The following C12orf56 variants were observed in gnomAD, a reference collection of about 807,000 sequenced individuals.
C12orf56 encodes chromosome 12 open reading frame 56.
Under a neutral mutation model 69.9 loss-of-function variants are expected in C12orf56, and 71 were observed. That is an observed-to-expected ratio of 1.02 (90% CI 0.84 to 1.24). The LOEUF (loss-of-function observed/expected upper bound fraction) is 1.24. Ranked by LOEUF, C12orf56 falls within the 50% of genes most tolerant of loss-of-function variation. The pLI, the probability that C12orf56 is intolerant of heterozygous loss-of-function variation, is 0.00. For missense variants in C12orf56, 732 were observed against 738.5 expected (o/e 0.99, Z 0.10); for synonymous variants, 276 against 274.1 (o/e 1.01, Z -0.07).
chr12:64,317,012 A>G (rs1249062390), intron 4 of C12orf56, among the ~76,000 whole-genome samples: 7 of 152,228 alleles, frequency 4.6e-5, no homozygotes, highest in Non-Finnish European at 1.5e-5. Flanking sequence ...TGAAGTATTC[A>G]CATAGATTTT....
intron 1 of C12orf56, among the ~76,000 whole-genome samples, chr12:64,368,262 C>T (rs142229325): frequency 1.2e-3 from 179 of 152,210 alleles, no homozygotes; most frequent in African/African-American, 4.2e-3. Context: ...GCCACCATGC[C>T]CAGCCTAAGG....
Position 64,378,882 on chromosome 12 carries a change from C to T in C12orf56, c.252+11432G>A, listed in dbSNP as rs565959975. Among the ~76,000 whole-genome samples the T allele has an allele frequency of 5.9e-5, 9 of 152,110 alleles. No individual in the cohort carries two copies. In the South Asian group the frequency reaches 8.3e-4, roughly 14 times the overall value. Reference sequence around the variant, plus strand: ...TCTGGCCACCATAGTGAAATCCCGTCTCAGTTAAAAATACAAACATTAGCC... The same window carrying T: ...TCTGGCCACCATAGTGAAATCCCGTTTCAGTTAAAAATACAAACATTAGCC... On this transcript the variant is annotated intron_variant, in intron 1 of 12. Transcript: ENST00000543942.
In C12orf56 at chr12:64,296,754, G is replaced by A. The variant is rs538909132; in HGVS notation, c.1113+6881C>T. 3.3e-5 allele frequency among the ~76,000 whole-genome samples: 5 copies of A among 152,264 alleles called. No homozygotes were observed. The East Asian group carries it at 9.6e-4, about 29-fold the overall frequency. On this transcript the variant is annotated intron_variant, in intron 6 of 12. Coordinates refer to ENST00000543942, the MANE Select transcript of C12orf56 (RefSeq NM_001170633.2). ...AATCCCCAATGCAACAGTGTTGAGA[G>A]GCGAGACCTTTAAGAGGTTGATTGG...
chr12:64,373,191 T>C (rs754125737), intron 1 of C12orf56, among the ~76,000 whole-genome samples: 6 of 152,140 alleles, frequency 3.9e-5, no homozygotes, highest in Admixed American at 6.6e-5. Context: ...TCAAAACATT[T>C]GTGGAATACT....
intron 11 of C12orf56, among the ~76,000 whole-genome samples, chr12:64,274,352 G>A (rs562652800): frequency 6.6e-6 from 1 of 152,314 alleles, no homozygotes; most frequent in East Asian, 1.9e-4. Flanking sequence ...TGTAGGCCAT[G>A]TTAAGGAGTT....
Position 64,277,625 on chromosome 12 carries a change from A to G in C12orf56, c.1434+55T>C, listed in dbSNP as rs909011409. The G allele has an allele frequency of 6.2e-6, 6 of 961,608 alleles. No homozygotes were observed. The African/African-American group carries it at 1.4e-4, about 22-fold the overall frequency. The allele number at this position is 961,608 out of a possible 1,614,324, so 59.6% of individuals were successfully genotyped here. A position where few individuals can be genotyped will look rare whatever the true frequency, so the allele number is the denominator to read the frequency against. ...GTCATGGTCCACATTAAAAGAAGCC[A>G]GGGCCCCTATATATATATATATATA... On this transcript the variant is annotated intron_variant, in intron 9 of 12. Transcript: ENST00000543942.
intron 1 of C12orf56, among the ~76,000 whole-genome samples, chr12:64,375,525 T>C (rs2135978393): frequency 6.6e-6 from 1 of 152,234 alleles, no homozygotes; most frequent in South Asian, 2.1e-4. Flanking sequence ...AAGTGTACAG[T>C]GTAGTGGTGG....
At chr12:64,309,995 A>G (rs1478770497) in intron 5 of C12orf56, among the ~76,000 whole-genome samples, 1 of 144,030 alleles carries the variant, frequency 6.9e-6, no homozygotes, top group African/African-American at 2.6e-5. Context: ...CTCCATTTTA[A>G]AGTTCCACTT....
chr12:64,359,424 A>C (rs1592486712), intron 1 of C12orf56, among the ~76,000 whole-genome samples: 1 of 152,334 alleles, frequency 6.6e-6, no homozygotes, highest in Middle Eastern at 3.4e-3. Context: ...CAAGCCAACG[A>C]ACCTAAGATG....
At chr12:64,335,493 G>T (rs2038985088) in intron 2 of C12orf56, among the ~76,000 whole-genome samples, 1 of 148,610 alleles carries the variant, frequency 6.7e-6, no homozygotes, top group Admixed American at 6.7e-5. Flanking sequence ...CATCTGCATT[G>T]TTCATTTAGA....
chr12:64,275,956 A>G (rs2038044783), intron 9 of C12orf56, among the ~76,000 whole-genome samples: 1 of 151,586 alleles, frequency 6.6e-6, no homozygotes, highest in Non-Finnish European at 1.5e-5. Flanking sequence ...TGCAAAATCA[A>G]TCAGATCAAC....
At position 64,277,806 on chromosome 12, in the gene C12orf56, G is replaced by A; in HGVS notation, c.1311-3C>T. ...CCAAGAGATTAAATAGTGCTCCCCT[G>A]GAAAAAAATAAATAAAAGGCAATTA... On this transcript the variant is annotated splice_polypyrimidine_tract_variant and splice_region_variant and intron_variant, in intron 8 of 12. Coordinates refer to ENST00000543942, the MANE Select transcript of C12orf56 (RefSeq NM_001170633.2). 2.0e-6 allele frequency: 3 copies of A among 1,532,008 alleles called. No homozygotes were observed. Among genetic ancestry groups the A allele is most frequent in the Non-Finnish European group, 2.6e-6 (3 of 1,138,054 alleles). The allele number at this position is 1,532,008 out of a possible 1,614,324, so 94.9% of individuals were successfully genotyped here.
At position 64,264,919 on chromosome 12, in the gene C12orf56, A is replaced by G. The variant is rs1389763749; in HGVS notation, c.*2264T>C. On this transcript the variant is annotated 3_prime_UTR_variant, in exon 13 of 13. Coordinates refer to ENST00000543942, the MANE Select transcript of C12orf56 (RefSeq NM_001170633.2). Reference sequence around the variant, plus strand: ...ACTGACTTTAGCCCCACATAAAAAGATTCAGATATATTTTGACAGAGATTT... The same window carrying G: ...ACTGACTTTAGCCCCACATAAAAAGGTTCAGATATATTTTGACAGAGATTT... The G allele has an allele frequency of 1.3e-5, 2 of 152,214 alleles. No individual in the cohort carries two copies. The highest frequency in any genetic ancestry group is 2.9e-5 in the Non-Finnish European group (2 of 68,052). The allele number at this position is 152,214 out of a possible 1,614,324, so 9.4% of individuals were successfully genotyped here. A position where few individuals can be genotyped will look rare whatever the true frequency, so the allele number is the denominator to read the frequency against.
intron 12 of C12orf56, chr12:64,267,610 T>G: frequency 3.8e-6 from 1 of 263,448 alleles, no homozygotes; most frequent in South Asian, 5.4e-5. Context: ...AATGAAAGGG[T>G]CAAGCTGTGG....
chr12:64,365,350 A>G (rs1039286753), intron 1 of C12orf56, among the ~76,000 whole-genome samples: 5 of 151,736 alleles, frequency 3.3e-5, no homozygotes, highest in African/African-American at 9.7e-5. Context: ...TATTTTTAGT[A>G]GAGATGGGGT....
chr12:64,352,087 G>GTTTTTTTTTTTT (rs1565770096), intron 2 of C12orf56, among the ~76,000 whole-genome samples: 1 of 105,540 alleles, frequency 9.5e-6, no homozygotes, highest in African/African-American at 3.5e-5. Flanking sequence ...AGGTTTTTTT[G>GTTTTTTTTTTTT]TTTTTGTTTT....
chr12:64,300,552 C>T (rs548695136), intron 6 of C12orf56, among the ~76,000 whole-genome samples: 80 of 152,180 alleles, frequency 5.3e-4, no homozygotes, highest in African/African-American at 1.9e-3. Flanking sequence ...GTGGACTTCC[C>T]CTTTGAGCAC....
intron 2 of C12orf56, among the ~76,000 whole-genome samples, chr12:64,345,723 T>C (rs2135943349): frequency 6.6e-6 from 1 of 152,322 alleles, no homozygotes; most frequent in African/African-American, 2.4e-5. Flanking sequence ...ATAGAATCCC[T>C]GAGTTTATCA....
intron 1 of C12orf56, among the ~76,000 whole-genome samples, chr12:64,386,452 A>AATGGCGCAATCTTGGC (rs1165971078): frequency 6.7e-6 from 1 of 149,596 alleles, no homozygotes; most frequent in Admixed American, 6.7e-5. Flanking sequence ...GCTGGAGTGC[A>AATGGCGCAATCTTGGC]ATGGCGCAAT....
Sources: gnomAD v4.1 joint callset for allele counts (sites outside exome capture counted in the v4.1 genomes callset) on GRCh38, gnomAD v4.1.1 for gene constraint, MANE v1.5 for transcripts, NCBI Gene and HGNC (gene_info 2026-07-23, HGNC 2026-07-21) for gene names.